SYNCRIP: variants seen among roughly 807,000 people sequenced by gnomAD.
SYNCRIP encodes the protein heterogeneous nuclear ribonucleoprotein Q.
A neutral mutation model predicts 68.9 loss-of-function variants in SYNCRIP; 9 were observed. That is an observed-to-expected ratio of 0.13 (90% CI 0.08 to 0.23). The LOEUF (loss-of-function observed/expected upper bound fraction) is 0.23, where lower values mean the gene tolerates loss of function less well. Among genes scored for constraint, SYNCRIP ranks in the 10% least tolerant of loss-of-function variants. The pLI is 1.00. For synonymous variants in SYNCRIP, 258 were observed against 254.0 expected (o/e 1.02, Z -0.15); for missense variants, 414 against 770.6 (o/e 0.54, Z 5.48).
At chr6:85,640,005 C>A (rs1286139641) in intron 4 of SYNCRIP, among the ~76,000 whole-genome samples, 1 of 152,064 alleles carries the variant, frequency 6.6e-6, no homozygotes, top group African/African-American at 2.4e-5. Context: ...ACCAATAGAA[C>A]AGATTTAAAC....
At chr6:85,611,278 A>G (rs1480121061), downstream of SYNCRIP, 1 of 152,552 alleles carries the variant, frequency 6.6e-6, no homozygotes, top group Non-Finnish European at 1.5e-5. Flanking sequence ...CATAAAAAAA[A>G]TAAAAACTTT....
chr6:85,620,373 T>A (rs908291110), intron 8 of SYNCRIP, among the ~76,000 whole-genome samples: 9 of 152,142 alleles, frequency 5.9e-5, no homozygotes, highest in Admixed American at 5.9e-4. Flanking sequence ...AGCCACAAAA[T>A]GACATAGAAG....
intron 1 of SYNCRIP, 120 bp from the exon 2 acceptor site, chr6:85,641,571 TA>T: frequency 1.0e-6 from 1 of 978,006 alleles, no homozygotes; most frequent in Non-Finnish European, 1.5e-6. Flanking sequence ...TACCTCCCTT[TA>T]AAAAAGCCTT....
chr6:85,618,320 C>A (rs897350546), intron 10 of SYNCRIP, among the ~76,000 whole-genome samples: 1 of 151,848 alleles, frequency 6.6e-6, no homozygotes, highest in Non-Finnish European at 1.5e-5. Context: ...GTGGGCGGAT[C>A]ACCTGAGGTC....
In SYNCRIP at chr6:85,624,098, T is replaced by C. The variant is rs1806762835; in HGVS notation, c.681A>G (p.Glu227=). 2.5e-6 allele frequency: 4 copies of C among 1,613,556 alleles called. No homozygotes were observed. The East Asian group carries it at 6.7e-5, about 27-fold the overall frequency. ...QEAVKLYNNH[E]IRSGKHIGVC... ...CACCAATATGTTTTCCAGAACGAAT[T>C]TCATGATTATTATACTGAAAGGGGA... Residue 227 remains glutamate, a synonymous_variant, in exon 7 of 11, where the codon GAA becomes GAG. Transcript: ENST00000369622.
chr6:85,629,948 T>C (rs1390027288), intron 6 of SYNCRIP, among the ~76,000 whole-genome samples: 2 of 150,536 alleles, frequency 1.3e-5, no homozygotes, highest in East Asian at 3.9e-4. Flanking sequence ...AGCGCCGCTG[T>C]GCTCCAGCCT....
Position 85,614,674 on chromosome 6 carries a change from A to G in SYNCRIP, c.*82T>C, listed in dbSNP as rs954731886. ...AAGGGAAATCTTGCCAGATGTCACA[A>G]ATTATAGCGGCACCCGTTCAGATTT... On this transcript the variant is annotated 3_prime_UTR_variant, in exon 11 of 11. Coordinates refer to ENST00000369622, the MANE Select transcript of SYNCRIP (RefSeq NM_006372.5). The G allele has an allele frequency of 5.1e-5, 75 of 1,462,206 alleles. 1 individual carries two copies. In the South Asian group the frequency reaches 9.4e-4, roughly 18 times the overall value. The allele number at this position is 1,462,206 out of a possible 1,614,324, so 90.6% of individuals were successfully genotyped here.
In SYNCRIP at chr6:85,640,348, T is replaced by C; in HGVS notation, c.268-20A>G. 1 of 1,605,790 alleles carries C rather than the reference T, an allele frequency of 6.2e-7. No individual in the cohort carries two copies. ...TTTGTTCTGCAAAAAAATGTTCCAT[T>C]AATATTTAACAATAACCATATCTGA... On this transcript the variant is annotated intron_variant, in intron 3 of 10. Transcript: ENST00000369622.
chr6:85,622,812 A>C, intron 7 of SYNCRIP, 125 bp from the exon 8 acceptor site: 3 of 754,948 alleles, frequency 4.0e-6, no homozygotes, highest in South Asian at 1.8e-5. Flanking sequence ...CCTTCACTAG[A>C]CATCTTTATA....
chr6:85,607,872 TAATC>T (rs1190703381), downstream of SYNCRIP: 14 of 152,054 alleles, frequency 9.2e-5, no homozygotes, highest in Non-Finnish European at 8.8e-5. Context: ...TTCTTTTCGA[TAATC>T]AATATAAATG....
At chr6:85,640,396 G>A in intron 3 of SYNCRIP, 50 bp downstream of exon 3, 2 of 1,569,752 alleles carry the variant, frequency 1.3e-6, no homozygotes, top group Non-Finnish European at 1.7e-6. Flanking sequence ...TCAGCAGATA[G>A]TATCAAAACT....
chr6:85,609,265 C>T (rs1170953217), downstream of SYNCRIP: 1 of 151,842 alleles, frequency 6.6e-6, no homozygotes, highest in Non-Finnish European at 1.5e-5. Context: ...ATAGAGACTA[C>T]GTAAAATACT....
At chr6:85,637,974 T>C (rs980103126) in intron 4 of SYNCRIP, among the ~76,000 whole-genome samples, 9 of 152,240 alleles carry the variant, frequency 5.9e-5, no homozygotes, top group Non-Finnish European at 1.5e-5. Context: ...ACTGCAACGT[T>C]ACATAACCTC....
chr6:85,621,467 G>T (rs186210414), intron 8 of SYNCRIP, among the ~76,000 whole-genome samples: 1 of 152,164 alleles, frequency 6.6e-6, no homozygotes, highest in African/African-American at 2.4e-5. Flanking sequence ...AAAAAAATTA[G>T]CCAGGTGTGG....
chr6:85,640,970 C>T (rs569726016), intron 2 of SYNCRIP, among the ~76,000 whole-genome samples: 1 of 152,210 alleles, frequency 6.6e-6, no homozygotes, highest in East Asian at 1.9e-4. Context: ...CTACAGTTAC[C>T]AAGTTATTTA....
intron 6 of SYNCRIP, 144 bp from the exon 7 acceptor site, chr6:85,624,256 T>A (rs573227960): frequency 1.2e-4 from 90 of 748,182 alleles, no homozygotes; most frequent in Non-Finnish European, 1.8e-4. Flanking sequence ...GAACAGATTA[T>A]ATTAACAAGA....
At chr6:85,615,863 T>C (rs1805706111) in intron 10 of SYNCRIP, among the ~76,000 whole-genome samples, 1 of 152,254 alleles carries the variant, frequency 6.6e-6, no homozygotes, top group Non-Finnish European at 1.5e-5. Flanking sequence ...TATTCCAATA[T>C]ACTTGAAGAA....
chr6:85,619,781 G>C (rs1280566290), intron 8 of SYNCRIP, among the ~76,000 whole-genome samples: 1 of 146,068 alleles, frequency 6.8e-6, no homozygotes, highest in East Asian at 2.1e-4. Flanking sequence ...TTCATTGCTG[G>C]TGGGAATGCA....
At chr6:85,620,232 C>T (rs1806235230) in intron 8 of SYNCRIP, among the ~76,000 whole-genome samples, 1 of 152,162 alleles carries the variant, frequency 6.6e-6, no homozygotes, top group African/African-American at 2.4e-5. Context: ...GGTAACACAG[C>T]GAGACTCTGT....
Sources: allele counts gnomAD v4.1 joint callset (sites outside exome capture counted in the v4.1 genomes callset), GRCh38; gene constraint gnomAD v4.1.1; transcripts MANE v1.5; gene names NCBI Gene and HGNC (gene_info 2026-07-23, HGNC 2026-07-21).